TFDP1: variants seen among roughly 807,000 people sequenced by gnomAD.
The protein encoded by TFDP1 is transcription factor Dp-1, also known as DRTF1-polypeptide 1.
In TFDP1, 6 loss-of-function variants were observed where a neutral mutation model predicts 48.0. That is an observed-to-expected ratio of 0.13 (90% confidence interval 0.07 to 0.25). TFDP1 has a LOEUF of 0.25. TFDP1 is among the 10% of genes least tolerant of loss of function. The pLI, the probability that TFDP1 is intolerant of heterozygous loss-of-function variation, is 1.00. For synonymous variants in TFDP1, 201 were observed against 211.6 expected (o/e 0.95, Z 0.44); for missense variants, 335 against 543.0 (o/e 0.62, Z 3.81).
At chr13:113,617,023 C>T (rs554705415) in intron 3 of TFDP1, among the ~76,000 whole-genome samples, 1 of 152,318 alleles carries the variant, frequency 6.6e-6, no homozygotes, top group Admixed American at 6.5e-5. Context: ...TGCAGGGTAG[C>T]CTCCCAGAGC....
At chr13:113,609,517 G>A (rs1171401253) in intron 2 of TFDP1, among the ~76,000 whole-genome samples, 3 of 152,114 alleles carry the variant, frequency 2.0e-5, no homozygotes, top group African/African-American at 7.2e-5. Flanking sequence ...CTCATCTTCT[G>A]TGGGGAAGTG....
intron 2 of TFDP1, among the ~76,000 whole-genome samples, chr13:113,609,040 CCAT>C (rs2048640542): frequency 6.6e-6 from 1 of 152,252 alleles, no homozygotes; most frequent in Non-Finnish European, 1.5e-5. Context: ...CCTTCAGGCA[CCAT>C]CGTTGACCGC....
chr13:113,623,190 C>T lies in TFDP1; in HGVS notation c.90C>T (p.Ser30=). Residue 30 remains serine, a synonymous_variant, in exon 4 of 12, where the codon TCC becomes TCT. Transcript: ENST00000375370. This position sits in a 1 kb window ranked among gnomAD's most constrained non-coding sequence, Gnocchi z 5.2. ...GTCCTTGTGTTGCAGGCGTGGTGTC[C>T]CTCGTGGCCGTTCACCCCTCCACCG... The part of the protein sequence containing the change: ...QNLSPGKGVV[S]LVAVHPSTVN... 6.2e-7 allele frequency: 1 copy of T among 1,613,082 alleles called. No homozygotes were observed. The highest frequency in any genetic ancestry group is 8.5e-7 in the Non-Finnish European group (1 of 1,179,530).
chr13:113,637,483 G>A, intron 10 of TFDP1: 1 of 919,426 alleles, frequency 1.1e-6, no homozygotes, highest in South Asian at 1.7e-5. Flanking sequence ...GATGGGCTGT[G>A]GGAAGAGGGT....
At chr13:113,589,941 C>T (rs2048099899) in intron 2 of TFDP1, among the ~76,000 whole-genome samples, 2 of 152,222 alleles carry the variant, frequency 1.3e-5, no homozygotes, top group African/African-American at 2.4e-5. Flanking sequence ...ACACGATTGT[C>T]CAGTGTCATG....
chr13:113,585,446 C>T (rs1490355451), intron 1 of TFDP1: 3 of 170,846 alleles, frequency 1.8e-5, no homozygotes, highest in African/African-American at 4.8e-5. Context: ...TGGGGCACCC[C>T]CCTGCAGCGG....
At chr13:113,616,193 ACT>A (rs2048852650) in intron 3 of TFDP1, among the ~76,000 whole-genome samples, 1 of 133,600 alleles carries the variant, frequency 7.5e-6, no homozygotes, top group South Asian at 2.4e-4. Flanking sequence ...ACAGAGTGAG[ACT>A]CTGTCTCCAA....
intron 2 of TFDP1, among the ~76,000 whole-genome samples, chr13:113,596,061 G>A (rs577781714): frequency 7.2e-4 from 110 of 152,272 alleles, no homozygotes; most frequent in Non-Finnish European, 1.4e-3. Context: ...CCGCCTGGGC[G>A]ACAGAGTGAG....
At chr13:113,638,002 G>A in intron 11 of TFDP1, 106 bp downstream of exon 11, 1 of 1,442,770 alleles carries the variant, frequency 6.9e-7, no homozygotes, top group Non-Finnish European at 9.4e-7. Context: ...GTCTGTGGCT[G>A]CTCTGACGTG....
intron 3 of TFDP1, among the ~76,000 whole-genome samples, chr13:113,613,764 G>A (rs756369204): frequency 5.3e-5 from 8 of 151,916 alleles, no homozygotes; most frequent in Non-Finnish European, 8.8e-5. Flanking sequence ...GAATGCGTGG[G>A]TGTGTGAGGA....
At chr13:113,616,218 A>C (rs2048853988) in intron 3 of TFDP1, among the ~76,000 whole-genome samples, 1 of 142,864 alleles carries the variant, frequency 7.0e-6, no homozygotes, top group Non-Finnish European at 1.5e-5. Context: ...AAAAAAAAAA[A>C]AAGAGTAAGT....
Position 113,633,828 on chromosome 13 carries a change from C to T in TFDP1, c.475-62C>T. On this transcript the variant is annotated intron_variant, in intron 6 of 11. Transcript: ENST00000375370. The surrounding 1 kb of genome is among the most constrained non-coding windows in gnomAD (Gnocchi z 4.5). Reference sequence around the variant, plus strand: ...CCTTTGAGCCAGTGCCCATGGTCTACAGTTTAAGGATCCACCGGCCTTTTT... The same window carrying T: ...CCTTTGAGCCAGTGCCCATGGTCTATAGTTTAAGGATCCACCGGCCTTTTT... The T allele has an allele frequency of 3.2e-6, 5 of 1,550,064 alleles. No homozygotes were observed. Among genetic ancestry groups the T allele is most frequent in the Non-Finnish European group, 4.4e-6 (5 of 1,147,098 alleles).
rs1451215929 is a variant in TFDP1, at chr13:113,598,564, G to A, written c.13-12432G>A. Among the ~76,000 whole-genome samples the A allele has an allele frequency of 2.0e-5, 3 of 152,232 alleles. No homozygotes were observed. In the East Asian group the frequency reaches 5.8e-4, roughly 29 times the overall value. ...AAGCACAGCCCCACCTCCCTAACCT[G>A]CCCTCCTGTGACTCCCATTGTGTAT... On this transcript the variant is annotated intron_variant, in intron 2 of 11. Coordinates refer to ENST00000375370, the MANE Select transcript of TFDP1 (RefSeq NM_007111.5). This position sits in a 1 kb window ranked among gnomAD's most constrained non-coding sequence, Gnocchi z 4.2.
chr13:113,594,854 T>A (rs1404077506), intron 2 of TFDP1, among the ~76,000 whole-genome samples: 1 of 152,268 alleles, frequency 6.6e-6, no homozygotes, highest in Non-Finnish European at 1.5e-5. Context: ...GTAATCTTAG[T>A]TGCAGAAAAT....
intron 11 of TFDP1, among the ~76,000 whole-genome samples, chr13:113,638,443 C>T (rs1462868188): frequency 6.6e-6 from 1 of 152,046 alleles, no homozygotes; most frequent in Admixed American, 6.6e-5. Context: ...TTTTTCAGAA[C>T]GCGTCTGCGG....
Position 113,640,416 on chromosome 13 carries a change from G to A in TFDP1, c.*149G>A. 1 of 1,343,694 alleles carries A rather than the reference G, an allele frequency of 7.4e-7. No homozygotes were observed. Among genetic ancestry groups the A allele is most frequent in the Non-Finnish European group, 9.9e-7 (1 of 1,006,902 alleles). The allele number at this position is 1,343,694 out of a possible 1,614,324, so 83.2% of individuals were successfully genotyped here. A position where few individuals can be genotyped will look rare whatever the true frequency, so the allele number is the denominator to read the frequency against. ...TAGATATGCACCTCTGATAAGCAAG[G>A]ATTGTTTCCCGTAGGATTAGGACGT... On this transcript the variant is annotated 3_prime_UTR_variant, in exon 12 of 12. Coordinates refer to ENST00000375370, the MANE Select transcript of TFDP1 (RefSeq NM_007111.5).
At chr13:113,628,194 G>A (rs901639680) in intron 4 of TFDP1, among the ~76,000 whole-genome samples, 9 of 151,672 alleles carry the variant, frequency 5.9e-5, no homozygotes, top group Non-Finnish European at 1.3e-4. Flanking sequence ...GACTGTGTCT[G>A]AAGCCGTGTA....
rs897639454 is a variant in TFDP1 at position 113,598,124 on chromosome 13, G to A, written c.12+12275G>A. Among the ~76,000 whole-genome samples, 13 of 152,250 alleles carry A rather than the reference G, an allele frequency of 8.5e-5. No homozygotes were observed. The highest frequency in any genetic ancestry group is 5.8e-4 in the East Asian group (3 of 5,170). Reference sequence around the variant, plus strand: ...ACTGTGTTGGGAGCCACTTGCTGGTGCCTGGCCAAGTTCCCGTCTGGTCCC... The same window carrying A: ...ACTGTGTTGGGAGCCACTTGCTGGTACCTGGCCAAGTTCCCGTCTGGTCCC... On this transcript the variant is annotated intron_variant, in intron 2 of 11. Coordinates refer to ENST00000375370, the MANE Select transcript of TFDP1 (RefSeq NM_007111.5). The surrounding 1 kb of genome is among the most constrained non-coding windows in gnomAD (Gnocchi z 4.2).
intron 1 of TFDP1, chr13:113,585,450 G>A (rs2047977678): frequency 5.8e-6 from 1 of 172,040 alleles, no homozygotes; most frequent in Non-Finnish European, 1.2e-5. Flanking sequence ...GCACCCCCCT[G>A]CAGCGGCGGG....
Sources: gnomAD v4.1 joint callset for allele counts (sites outside exome capture counted in the v4.1 genomes callset) on GRCh38, gnomAD v4.1.1 for gene constraint, Gnocchi (gnomAD v3.1) non-coding constraint, MANE v1.5 for transcripts, NCBI Gene and HGNC (gene_info 2026-07-23, HGNC 2026-07-21) for gene names.